LPA: variants seen among roughly 807,000 people sequenced by gnomAD.
The protein encoded by LPA is apolipoprotein(a).
A neutral mutation model predicts 197.9 loss-of-function variants in LPA; 199 were observed. That is an observed-to-expected ratio of 1.01 (90% CI 0.90 to 1.13). LPA has a LOEUF of 1.13. LPA is among the 50% of genes most tolerant of loss of function. The probability of loss-of-function intolerance (pLI) is 0.00; values close to 1 mark genes in which losing one functional copy is unlikely to be tolerated. For missense variants in LPA, 1,853 were observed against 1,785.8 expected, an observed-to-expected ratio of 1.04 and a Z score of -0.68; for synonymous variants, 715 against 639.5, an observed-to-expected ratio of 1.12 and a Z score of -1.78.
rs1446534290 is a variant in LPA at position 160,561,438 on chromosome 6, G to A, written c.4632-3867C>T. On this transcript the variant is annotated intron_variant, in intron 28 of 38. Transcript: ENST00000316300. ...TCTATTGGTCTATATATCTGTTTTG[G>A]TACCAGTACCATACCATGCTGTTTT... 2.0e-5 allele frequency among the ~76,000 whole-genome samples: 3 copies of A among 151,974 alleles called. No homozygotes were observed. In the East Asian group the frequency reaches 5.8e-4, roughly 29 times the overall value.
chr6:160,592,903 C>T (rs1005188826), intron 22 of LPA, among the ~76,000 whole-genome samples: 4 of 152,184 alleles, frequency 2.6e-5, no homozygotes, highest in African/African-American at 9.7e-5. Context: ...TCCCCCAGTG[C>T]TATGTGAGCT....
intron 28 of LPA, among the ~76,000 whole-genome samples, chr6:160,558,698 G>C (rs531222882): frequency 1.3e-5 from 2 of 152,272 alleles, no homozygotes; most frequent in South Asian, 4.1e-4. Context: ...GATCTGAAGA[G>C]GTCGAGTGGC....
chr6:160,588,307 C>A (rs1249683457), intron 24 of LPA, among the ~76,000 whole-genome samples: 1 of 151,642 alleles, frequency 6.6e-6, no homozygotes, highest in Non-Finnish European at 1.5e-5. Context: ...TCATTTGGAT[C>A]CTTTTAGACT....
At chr6:160,602,426 A>T (rs1313854737) in intron 18 of LPA, among the ~76,000 whole-genome samples, 4 of 152,228 alleles carry the variant, frequency 2.6e-5, no homozygotes, top group African/African-American at 9.6e-5. Context: ...CACATGATTT[A>T]GTCTATATGT....
intron 28 of LPA, among the ~76,000 whole-genome samples, chr6:160,573,174 G>A (rs1290505100): frequency 6.6e-6 from 1 of 152,080 alleles, no homozygotes; most frequent in South Asian, 2.1e-4. Context: ...TTAATTTGAA[G>A]TCCTTGTCTT....
chr6:160,578,553 C>T lies in LPA; in HGVS notation c.4441G>A (p.Val1481Ile), dbSNP rs749421119. The T allele has an allele frequency of 3.7e-6, 6 of 1,613,888 alleles. No individual in the cohort carries two copies. Among genetic ancestry groups the T allele is most frequent in the Non-Finnish European group, 4.2e-6 (5 of 1,179,776 alleles). Residue 1481 changes from valine (V) to isoleucine (I), a missense_variant, in exon 27 of 39, where the codon GTT becomes ATT. By Grantham distance (29) the Val-to-Ile change is conservative (BLOSUM62 3). Transcript: ENST00000316300. ...TCAGAAGGAGCCTCTGTGCTTGGAACCGGGGCCACTGTGGGAGTTGTGAGG... is the reference window on the plus strand; with the variant it reads ...TCAGAAGGAGCCTCTGTGCTTGGAATCGGGGCCACTGTGGGAGTTGTGAGG... The part of the protein sequence containing the change: ...SVLTTPTVAP[V>I]PSTEAPSEQA...
Position 160,647,508 on chromosome 6 carries a change from C to T in LPA, c.210-1113G>A, listed in dbSNP as rs769119609. 5.9e-5 allele frequency among the ~76,000 whole-genome samples: 9 copies of T among 152,170 alleles called. No homozygotes were observed. The South Asian group carries it at 6.2e-4, about 11-fold the overall frequency. ...GACCCTCCATTCCAGGAAGCTCATT[C>T]AATGAGCAACTGGATGTACTAAGAG... On this transcript the variant is annotated intron_variant, in intron 2 of 38. Transcript: ENST00000316300.
rs748555999 is a variant in LPA, at chr6:160,599,674, G to A, written c.3128-15C>T. On this transcript the variant is annotated splice_polypyrimidine_tract_variant and intron_variant, in intron 19 of 38. Coordinates refer to ENST00000316300, the MANE Select transcript of LPA (RefSeq NM_005577.4). ...CTCAGTCAGTGCTGAAATTAAAACA[G>A]AAGACATCAAGCTTATTATTTCCTA... The A allele has an allele frequency of 4.3e-6, 7 of 1,613,832 alleles. No homozygotes were observed. The highest frequency in any genetic ancestry group is 5.9e-6 in the Non-Finnish European group (7 of 1,179,836).
Position 160,605,084 on chromosome 6 carries a change from T to C in LPA, c.2907A>G (p.Pro969=). 1 of 1,613,894 alleles carries C rather than the reference T, an allele frequency of 6.2e-7. No individual in the cohort carries two copies. The highest frequency in any genetic ancestry group is 8.5e-7 in the Non-Finnish European group (1 of 1,179,820). ...ATGCTGGGGTCCGACTATGCGAGTG[T>C]GGTGTCATAGATGACCAAGCTTGGC... is the stretch of plus-strand genomic sequence containing the variant. ...RTCQAWSSMT[P]HSHSRTPAYY... is the part of the protein sequence containing the mutation. Residue 969 remains proline, a synonymous_variant, in exon 18 of 39, where the codon CCA becomes CCG. Transcript: ENST00000316300.
intron 28 of LPA, among the ~76,000 whole-genome samples, chr6:160,563,306 G>A (rs112781702): frequency 8.3e-4 from 127 of 152,226 alleles, no homozygotes; most frequent in African/African-American, 2.7e-3. Context: ...ATCTACTTCT[G>A]CCTTAATTTT....
rs1020354044 is a variant in LPA, at chr6:160,560,460, C to G, written c.4632-2889G>C. Among the ~76,000 whole-genome samples, 7 of 152,184 alleles carry G rather than the reference C, an allele frequency of 4.6e-5. No homozygotes were observed. In the East Asian group the frequency reaches 1.3e-3, roughly 29 times the overall value. On this transcript the variant is annotated intron_variant, in intron 28 of 38. Coordinates refer to ENST00000316300, the MANE Select transcript of LPA (RefSeq NM_005577.4). ...ACATCCTCTTCAGCATCTGTTGTTTCCTGACTTTTTAATGATCGCCATTCT... is the reference window on the plus strand; with the variant it reads ...ACATCCTCTTCAGCATCTGTTGTTTGCTGACTTTTTAATGATCGCCATTCT...
chr6:160,611,564 A>G lies in LPA; in HGVS notation c.2601T>C (p.Asn867=). ...SHSRTPEYYP[N]AGLIMNYCRN... ...TATGGTAAAGAACAAAGACATACGCATTTGGGTAGTATTCTGGGGTCCGAC... is the reference window on the plus strand; with the variant it reads ...TATGGTAAAGAACAAAGACATACGCGTTTGGGTAGTATTCTGGGGTCCGAC... Residue 867 remains asparagine, a splice_region_variant and synonymous_variant, in exon 16 of 39, where the codon AAT becomes AAC. Coordinates refer to ENST00000316300, the MANE Select transcript of LPA (RefSeq NM_005577.4). 3.1e-6 allele frequency: 5 copies of G among 1,606,622 alleles called. No homozygotes were observed. The highest frequency in any genetic ancestry group is 3.4e-6 in the Non-Finnish European group (4 of 1,179,082).
At chr6:160,603,464 G>T (rs889595292) in intron 18 of LPA, among the ~76,000 whole-genome samples, 3 of 151,972 alleles carry the variant, frequency 2.0e-5, no homozygotes, top group African/African-American at 7.2e-5. Flanking sequence ...AATTTAATTT[G>T]GCTCTTCTAT....
intron 28 of LPA, among the ~76,000 whole-genome samples, chr6:160,571,297 G>T (rs999068012): frequency 2.0e-5 from 3 of 152,122 alleles, no homozygotes; most frequent in Non-Finnish European, 4.4e-5. Flanking sequence ...TAGCTTCCTT[G>T]CATTGTGTTA....
At chr6:160,536,301 T>G (rs1777894420) in intron 37 of LPA, among the ~76,000 whole-genome samples, 1 of 152,222 alleles carries the variant, frequency 6.6e-6, no homozygotes, top group African/African-American at 2.4e-5. Context: ...CACTAAGAAT[T>G]TCCCTTGTTT....
Position 160,646,903 on chromosome 6 carries a change from G to C in LPA, c.210-508C>G, listed in dbSNP as rs1779893184. 1.3e-5 allele frequency among the ~76,000 whole-genome samples: 2 copies of C among 151,592 alleles called. 1 individual carries two copies. Among genetic ancestry groups the C allele is most frequent in the African/African-American group, 4.9e-5 (2 of 40,964 alleles). ...GGCATCAAGGAGGATAACCTTTCCA[G>C]GTCAACTCTCACACTCCATGTACTC... On this transcript the variant is annotated intron_variant, in intron 2 of 38. Transcript: ENST00000316300.
intron 1 of LPA, among the ~76,000 whole-genome samples, chr6:160,656,265 T>C (rs1780130800): frequency 6.6e-6 from 1 of 152,222 alleles, no homozygotes; most frequent in South Asian, 2.1e-4. Context: ...GATATTGTTT[T>C]TGATTTTTTT....
At chr6:160,648,595 T>C (rs1779947953) in intron 2 of LPA, among the ~76,000 whole-genome samples, 1 of 152,074 alleles carries the variant, frequency 6.6e-6, no homozygotes, top group South Asian at 2.1e-4. Context: ...TGTTTGAGTG[T>C]GTGTGTATGC....
chr6:160,611,682 T>A lies in LPA; in HGVS notation c.2483A>T (p.His828Leu). 6.5e-7 allele frequency: 1 copy of A among 1,548,284 alleles called. No individual in the cohort carries two copies. The highest frequency in any genetic ancestry group is 8.8e-7 in the Non-Finnish European group (1 of 1,139,750). Residue 828 changes from histidine (H) to leucine (L), a missense_variant, in exon 16 of 39, where the codon CAC (histidine) becomes CTC (leucine). His to Leu is a moderately conservative substitution (Grantham distance 99). Coordinates refer to ENST00000316300, the MANE Select transcript of LPA (RefSeq NM_005577.4). ...GCCTCGATAACTCTGTCCATTACCG[T>A]GGTAGCACTCCTGCACCCCAGGCCT... Reference protein sequence around the residue: ...EQRPGVQECYHGNGQSYRGTY... With the variant: ...EQRPGVQECYLGNGQSYRGTY...
Sources: allele counts gnomAD v4.1 joint callset (sites outside exome capture counted in the v4.1 genomes callset), GRCh38; gene constraint gnomAD v4.1.1; transcripts MANE v1.5; gene names NCBI Gene and HGNC (gene_info 2026-07-23, HGNC 2026-07-21).